Variants in TOGARAM1 observed in about 807,000 individuals in gnomAD.
TOGARAM1 encodes TOG array regulator of axonemal microtubules 1, also known as TOG array regulator of axonemal microtubules protein 1.
In TOGARAM1, 100 loss-of-function variants were observed where a neutral mutation model predicts 166.6. The ratio of observed to expected loss-of-function variants is 0.60; its 90% confidence interval spans 0.51 to 0.71. The LOEUF is 0.71. Among genes scored for constraint, TOGARAM1 ranks in the 30% least tolerant of loss-of-function variants. The pLI is 0.00. For missense variants in TOGARAM1, 2,029 were observed against 2,102.7 expected (o/e 0.96, Z 0.69); for synonymous variants, 758 against 763.8 (o/e 0.99, Z 0.13).
At chr14:45,045,745 G>A (rs1390776882) in intron 13 of TOGARAM1, among the ~76,000 whole-genome samples, 35 of 136,966 alleles carry the variant, frequency 2.6e-4, no homozygotes, top group Admixed American at 9.8e-4. Context: ...ATACACATAT[G>A]TATATATATA....
At chr14:45,047,664 T>TA (rs751311375) in intron 14 of TOGARAM1, among the ~76,000 whole-genome samples, 46 of 152,156 alleles carry the variant, frequency 3.0e-4, no homozygotes, top group Non-Finnish European at 6.0e-4. Flanking sequence ...TTAAGCAAGT[T>TA]ACTTAATTTC....
chr14:44,998,400 A>G (rs1887534724), intron 2 of TOGARAM1, among the ~76,000 whole-genome samples: 1 of 152,252 alleles, frequency 6.6e-6, no homozygotes, highest in African/African-American at 2.4e-5. Flanking sequence ...AAACTGCAGA[A>G]AAGAGATTGA....
chr14:45,007,187 TAG>T (rs1194318320), intron 5 of TOGARAM1: 5 of 152,112 alleles, frequency 3.3e-5, no homozygotes, highest in African/African-American at 1.2e-4. Context: ...CTCAATAAAA[TAG>T]AGTTAATATT....
At chr14:45,004,394 A>G (rs189300616) in intron 4 of TOGARAM1, 28 bp downstream of exon 4, 2 of 1,594,356 alleles carry the variant, frequency 1.3e-6, no homozygotes, top group East Asian at 4.5e-5. Context: ...GTTCAAATTT[A>G]TTTGTGTTTG....
chr14:45,004,086 T>C lies in TOGARAM1; in HGVS notation c.2364T>C (p.Ser788=). 6.2e-7 allele frequency: 1 copy of C among 1,614,062 alleles called. No individual in the cohort carries two copies. Among genetic ancestry groups the C allele is most frequent in the South Asian group, 1.1e-5 (1 of 91,068 alleles). ...TGTATGCTAGCCTCAATTTTGGCAG[T>C]AAGACACAGCAAACATTTGGTAGTC... ...EKVYASLNFG[S]KTQQTFGSQT... The change falls in exon 4 of 20, where the codon AGT becomes AGC. Residue 788 remains serine (S), a synonymous_variant. Coordinates refer to ENST00000361462, the MANE Select transcript of TOGARAM1 (RefSeq NM_001308120.2).
intron 11 of TOGARAM1, among the ~76,000 whole-genome samples, chr14:45,037,760 GC>G (rs1881504463): frequency 6.6e-6 from 1 of 152,000 alleles, no homozygotes; most frequent in Non-Finnish European, 1.5e-5. Context: ...AGGTGTGGTG[GC>G]TCATGCCTGT....
intron 7 of TOGARAM1, among the ~76,000 whole-genome samples, chr14:45,020,306 A>G (rs888613717): frequency 2.6e-5 from 4 of 152,202 alleles, no homozygotes; most frequent in African/African-American, 9.7e-5. Flanking sequence ...CCCTAAAAAT[A>G]AACAGGTTCC....
chr14:45,052,744 C>G (rs745835055), intron 15 of TOGARAM1, among the ~76,000 whole-genome samples, 182 bp downstream of exon 15: 2 of 152,094 alleles, frequency 1.3e-5, no homozygotes, highest in African/African-American at 4.8e-5. Context: ...TATTGTCAAG[C>G]CTTGGAAGTA....
rs34431693 is a variant in TOGARAM1, at chr14:45,015,307, AAAATAAATAAATAAAT to A, written c.3238+3262_3238+3277del. On this transcript the variant is annotated intron_variant, in intron 7 of 19. Transcript: ENST00000361462. ...ATGACAGAGCAAGAGCCTATCTCAA[AAAATAAATAAATAAAT>A]AAATAAATAAATAAATAAATAAATA... 8.8e-3 allele frequency among the ~76,000 whole-genome samples: 1,293 copies of A among 146,768 alleles called. 12 individuals are homozygous for A. The highest frequency in any genetic ancestry group is 0.013 in the Non-Finnish European group (860 of 67,060).
intron 7 of TOGARAM1, among the ~76,000 whole-genome samples, chr14:45,024,682 C>T (rs1490113864): frequency 6.6e-6 from 1 of 152,102 alleles, no homozygotes; most frequent in Non-Finnish European, 1.5e-5. Flanking sequence ...TTTGGGCTAA[C>T]CCGTGTTTCT....
At chr14:45,067,241 A>G (rs886634744) in intron 17 of TOGARAM1, among the ~76,000 whole-genome samples, 1 of 152,152 alleles carries the variant, frequency 6.6e-6, no homozygotes, top group African/African-American at 2.4e-5. Flanking sequence ...ATCCTGCCAC[A>G]AGATGGTAAG....
chr14:45,013,075 A>T (rs963749190), intron 7 of TOGARAM1, among the ~76,000 whole-genome samples: 1 of 152,092 alleles, frequency 6.6e-6, no homozygotes, highest in African/African-American at 2.4e-5. Flanking sequence ...CCCTCTTTGT[A>T]TCTTGTACTT....
In TOGARAM1 at chr14:44,963,816, A is replaced by C. The variant is rs565435000; in HGVS notation, c.1395A>C (p.Glu465Asp). 5.0e-6 allele frequency: 8 copies of C among 1,614,210 alleles called. No individual in the cohort carries two copies. In the Admixed American group the frequency reaches 6.7e-5, roughly 13 times the overall value. Reference sequence around the variant, plus strand: ...AAATCTTCCTCAAGCTAATGAAGGAAGTAGGACCTCAGCAGGTGCTTTGTT... The same window carrying C: ...AAATCTTCCTCAAGCTAATGAAGGACGTAGGACCTCAGCAGGTGCTTTGTT... ...YMKIFLKLMKEVGPQQVLCLL... is the reference protein window; with the variant it reads ...YMKIFLKLMKDVGPQQVLCLL... Residue 465 changes from glutamate to aspartate, a missense_variant, in exon 1 of 20, where the codon GAA becomes GAC. Physicochemically the swap from Glu to Asp is conservative, Grantham distance 45 (BLOSUM62 2). Around this residue, in one of 2 missense-constraint regions of TOGARAM1, gnomAD observed 1,453 missense variants for 1,432.2 expected, o/e 1.01. Coordinates refer to ENST00000361462, the MANE Select transcript of TOGARAM1 (RefSeq NM_001308120.2).
intron 1 of TOGARAM1, among the ~76,000 whole-genome samples, chr14:44,982,917 T>C (rs369194410): frequency 5.3e-5 from 8 of 152,190 alleles, no homozygotes; most frequent in African/African-American, 1.9e-4. Context: ...ACTACAGTGC[T>C]CTTCCCACAA....
chr14:44,966,848 C>T (rs1256619761), intron 1 of TOGARAM1, among the ~76,000 whole-genome samples: 2 of 152,032 alleles, frequency 1.3e-5, no homozygotes, highest in Non-Finnish European at 2.9e-5. Flanking sequence ...CCAGCTACTT[C>T]GGAGGCTGAA....
intron 16 of TOGARAM1, among the ~76,000 whole-genome samples, chr14:45,055,632 G>A (rs148984058): frequency 2.8e-4 from 43 of 151,858 alleles, no homozygotes; most frequent in Admixed American, 1.4e-3. Flanking sequence ...GTGAAACCCC[G>A]TCTCTAGTAA....
chr14:44,963,360 C>A lies in TOGARAM1; in HGVS notation c.939C>A (p.Ser313=). 6.2e-7 allele frequency: 1 copy of A among 1,614,122 alleles called. No individual in the cohort carries two copies. Among genetic ancestry groups the A allele is most frequent in the Non-Finnish European group, 8.5e-7 (1 of 1,180,022 alleles). ...LRRHYNRRLE[S]QFGSQVPYYL... is the part of the protein sequence containing the mutation. ...GACACTACAATCGCCGCCTGGAGTC[C>A]CAGTTTGGAAGTCAGGTTCCTTATT... Residue 313 remains serine (S), a synonymous_variant, in exon 1 of 20, where the codon TCC becomes TCA. Coordinates refer to ENST00000361462, the MANE Select transcript of TOGARAM1 (RefSeq NM_001308120.2).
intron 13 of TOGARAM1, among the ~76,000 whole-genome samples, chr14:45,045,460 G>T (rs1881939755): frequency 6.9e-6 from 1 of 144,710 alleles, no homozygotes. Flanking sequence ...TAGAATAGTG[G>T]CCTCCAGCTC....
chr14:44,977,482 C>G (rs539979811), intron 1 of TOGARAM1, among the ~76,000 whole-genome samples: 1 of 152,032 alleles, frequency 6.6e-6, no homozygotes, highest in South Asian at 2.1e-4. Flanking sequence ...ATGATCTGCC[C>G]GCCTTGGCCA....
Sources: allele counts gnomAD v4.1 joint callset (sites outside exome capture counted in the v4.1 genomes callset), GRCh38; gene constraint gnomAD v4.1.1; regional missense constraint gnomAD v4.1.1; transcripts MANE v1.5; gene names NCBI Gene and HGNC (gene_info 2026-07-23, HGNC 2026-07-21).